The following RGS6 variants were observed in gnomAD, a reference collection of about 807,000 sequenced individuals.
RGS6 encodes regulator of G-protein signaling 6.
RGS6 carries 30 observed loss-of-function variants against 78.5 expected under a neutral mutation model. The observed-to-expected ratio is 0.38, with a 90% CI of 0.29 to 0.52. The LOEUF is 0.52. Among genes scored for constraint, RGS6 ranks in the 20% least tolerant of loss-of-function variants. The probability of loss-of-function intolerance (pLI) is 0.85; values close to 1 mark genes in which losing one functional copy is unlikely to be tolerated. For synonymous variants in RGS6, 206 were observed against 206.0 expected, an observed-to-expected ratio of 1.00 and a Z score of 0.00; for missense variants, 495 against 609.7, an observed-to-expected ratio of 0.81 and a Z score of 1.98.
intron 2 of RGS6, among the ~76,000 whole-genome samples, chr14:72,090,351 C>T (rs980312839): frequency 5.3e-5 from 8 of 152,204 alleles, no homozygotes; most frequent in South Asian, 2.1e-4. Context: ...AGCAGTTGAG[C>T]GAGCGTTACT....
chr14:72,204,568 A>C (rs2042298521), intron 2 of RGS6, among the ~76,000 whole-genome samples: 1 of 152,200 alleles, frequency 6.6e-6, no homozygotes, highest in Non-Finnish European at 1.5e-5. Context: ...ACAGTTCTAG[A>C]GGCTGGAAAG....
the RGS6 span, among the ~76,000 whole-genome samples, chr14:71,893,913 A>G: frequency 6.6e-6 from 1 of 152,192 alleles, no homozygotes; most frequent in African/African-American, 2.4e-5. Flanking sequence ...CTGTCCAGTC[A>G]GAGTTGTGAT....
At position 72,248,438 on chromosome 14, in the gene RGS6, A is replaced by G. The variant is rs1038362076; in HGVS notation, c.85-103657A>G. Among the ~76,000 whole-genome samples the G allele has an allele frequency of 1.1e-4, 16 of 152,330 alleles. No individual in the cohort carries two copies. In the East Asian group the frequency reaches 1.9e-3, roughly 18 times the overall value. On this transcript the variant is annotated intron_variant, in intron 2 of 17. Coordinates refer to ENST00000553525, the MANE Select transcript of RGS6 (RefSeq NM_001204424.2). ...ATGAGTTTATTGCTAATTTTAAATC[A>G]ATTCATAAACACATATTTTTTAATT...
intron 2 of RGS6, among the ~76,000 whole-genome samples, chr14:72,119,571 A>G (rs192265175): frequency 1.3e-5 from 2 of 152,336 alleles, no homozygotes; most frequent in East Asian, 3.9e-4. Flanking sequence ...GATTAGGAAA[A>G]TAACAGTCAT....
chr14:72,285,372 A>G (rs1194046430), intron 2 of RGS6, among the ~76,000 whole-genome samples: 2 of 152,126 alleles, frequency 1.3e-5, no homozygotes, highest in African/African-American at 4.8e-5. Context: ...TACTGTTCTC[A>G]TGGTAGTGAA....
intron 1 of RGS6, among the ~76,000 whole-genome samples, chr14:71,959,330 G>GA (rs148847698): frequency 1.2e-4 from 18 of 149,396 alleles, no homozygotes; most frequent in South Asian, 2.1e-4. Flanking sequence ...GCTGATGTCA[G>GA]AAAAAAAAAA....
At chr14:72,544,917 G>A (rs116989384) in intron 17 of RGS6, among the ~76,000 whole-genome samples, 5 of 152,222 alleles carry the variant, frequency 3.3e-5, no homozygotes, top group African/African-American at 1.2e-4. Flanking sequence ...CTCTCCGCAG[G>A]GGAGGGGGCA....
At chr14:72,354,486 AAT>A (rs1491256144) in intron 3 of RGS6, among the ~76,000 whole-genome samples, 6 of 151,494 alleles carry the variant, frequency 4.0e-5, no homozygotes, top group African/African-American at 1.5e-4. Context: ...AAAAAAAAAA[AAT>A]AGCTGGGTGT....
rs2283384 is a variant in RGS6 at position 72,393,448 on chromosome 14, A to G, written c.184+41254A>G. Reference sequence around the variant, plus strand: ...AACGCATCCCAGGTGATTCCAAGGTACAACCAGAGTCTAGAACCAGGGATC... The same window carrying G: ...AACGCATCCCAGGTGATTCCAAGGTGCAACCAGAGTCTAGAACCAGGGATC... On this transcript the variant is annotated intron_variant, in intron 3 of 17. Coordinates refer to ENST00000553525, the MANE Select transcript of RGS6 (RefSeq NM_001204424.2). Among the ~76,000 whole-genome samples the G allele has an allele frequency of 8.5e-3, 1,288 of 152,322 alleles. 40 individuals are homozygous for G. The highest frequency in any genetic ancestry group is 0.051 in the East Asian group (262 of 5,182).
chr14:72,414,853 G>A (rs2093687379), intron 3 of RGS6, among the ~76,000 whole-genome samples: 1 of 152,224 alleles, frequency 6.6e-6, no homozygotes, highest in Non-Finnish European at 1.5e-5. Flanking sequence ...AGCAGTGGTG[G>A]CTGCAGAACA....
chr14:72,442,022 G>C (rs949787194), intron 3 of RGS6, among the ~76,000 whole-genome samples: 1 of 152,198 alleles, frequency 6.6e-6, no homozygotes, highest in East Asian at 1.9e-4. Flanking sequence ...CTGGAATGGA[G>C]GGAAATGTTT....
intron 3 of RGS6, among the ~76,000 whole-genome samples, chr14:72,437,451 A>G (rs1289421458): frequency 6.6e-6 from 1 of 151,388 alleles, no homozygotes; most frequent in Non-Finnish European, 1.5e-5. Flanking sequence ...CTCCTCATTC[A>G]TTATCTGGGT....
intron 2 of RGS6, among the ~76,000 whole-genome samples, chr14:72,233,284 G>A (rs2050138230): frequency 6.6e-6 from 1 of 152,176 alleles, no homozygotes; most frequent in African/African-American, 2.4e-5. Flanking sequence ...GAAGGAGTGT[G>A]CAGGATGGAG....
At position 72,259,327 on chromosome 14, in the gene RGS6, T is replaced by C. The variant is rs370832843; in HGVS notation, c.85-92768T>C. On this transcript the variant is annotated intron_variant, in intron 2 of 17. Transcript: ENST00000553525. The stretch of plus-strand genomic sequence containing the variant: ...GCACTGTGTAGCAGCTTTTTTTTAA[T>C]GTAGCAATGATTTCAGGTTTGCCAC... Among the ~76,000 whole-genome samples, 10 of 152,336 alleles carry C rather than the reference T, an allele frequency of 6.6e-5. No individual in the cohort carries two copies. The South Asian group carries it at 2.1e-3, about 32-fold the overall frequency.
Position 72,449,497 on chromosome 14 carries a change from A to G in RGS6, c.185-5031A>G, listed in dbSNP as rs139601729. ...GAAGCTATCCCTGTCAAATTCTACAATTTTGGAGGAGCTTAAAACACCTGA... is the reference window on the plus strand; with the variant it reads ...GAAGCTATCCCTGTCAAATTCTACAGTTTTGGAGGAGCTTAAAACACCTGA... On this transcript the variant is annotated intron_variant, in intron 3 of 17. Transcript: ENST00000553525. Among the ~76,000 whole-genome samples the G allele has an allele frequency of 4.6e-3, 696 of 152,246 alleles. 4 individuals are homozygous for G. Among genetic ancestry groups the G allele is most frequent in the African/African-American group, 0.016 (655 of 41,550 alleles).
chr14:72,222,166 T>A (rs2047024968), intron 2 of RGS6, among the ~76,000 whole-genome samples: 1 of 152,220 alleles, frequency 6.6e-6, no homozygotes, highest in Non-Finnish European at 1.5e-5. Flanking sequence ...TCAGCATCTC[T>A]GTCTGAGCTT....
the RGS6 span, among the ~76,000 whole-genome samples, chr14:72,598,537 A>C: frequency 1.2e-4 from 18 of 152,336 alleles, no homozygotes; most frequent in African/African-American, 4.3e-4. Flanking sequence ...ACCTCTGCTC[A>C]AAGCGCCCCA....
At chr14:72,246,100 T>C (rs1171148707) in intron 2 of RGS6, among the ~76,000 whole-genome samples, 1 of 152,206 alleles carries the variant, frequency 6.6e-6, no homozygotes, top group Non-Finnish European at 1.5e-5. Flanking sequence ...TCATCAGTGA[T>C]GTAATATTCC....
intron 2 of RGS6, among the ~76,000 whole-genome samples, chr14:72,291,906 A>C (rs2238205): frequency 0.62 from 93,700 of 151,998 alleles, 29,021 homozygotes; most frequent in Non-Finnish European, 0.65. Flanking sequence ...TCCCTTTTCA[A>C]AATAAGGCCT....
Sources: allele counts gnomAD v4.1 joint callset (sites outside exome capture counted in the v4.1 genomes callset), GRCh38; gene constraint gnomAD v4.1.1; transcripts MANE v1.5; gene names NCBI Gene and HGNC (gene_info 2026-07-23, HGNC 2026-07-21).